The following CACNA1A variants were observed in gnomAD, a reference collection of about 807,000 sequenced individuals.
CACNA1A encodes the protein calcium voltage-gated channel subunit alpha1 A.
In CACNA1A, 57 loss-of-function variants were observed where a neutral mutation model predicts 262.4. The observed-to-expected ratio is 0.22, with a 90% CI of 0.18 to 0.27. The LOEUF (loss-of-function observed/expected upper bound fraction) is 0.27. Among genes scored for constraint, CACNA1A ranks in the 10% least tolerant of loss-of-function variants. The probability of loss-of-function intolerance (pLI) is 1.00; values close to 1 mark genes in which losing one functional copy is unlikely to be tolerated. For missense variants in CACNA1A, 2,526 were observed against 3,562.8 expected, an observed-to-expected ratio of 0.71 and a Z score of 7.41; for synonymous variants, 1,431 against 1,419.3, an observed-to-expected ratio of 1.01 and a Z score of -0.18.
chr19:13,278,157 G>T (rs2057195321), intron 22 of CACNA1A, among the ~76,000 whole-genome samples: 1 of 151,398 alleles, frequency 6.6e-6, no homozygotes. Flanking sequence ...GGCCACCAGA[G>T]GGCGCTGTGA....
At chr19:13,377,555 G>T (rs527318023) in intron 3 of CACNA1A, among the ~76,000 whole-genome samples, 1 of 150,594 alleles carries the variant, frequency 6.6e-6, no homozygotes, top group African/African-American at 2.4e-5. Flanking sequence ...TAGTGATGGG[G>T]TTTCACCATA....
At chr19:13,364,641 T>G (rs2059174822) in intron 5 of CACNA1A, 1 of 119,712 alleles carries the variant, frequency 8.4e-6, no homozygotes, top group Non-Finnish European at 1.6e-5. Context: ...ATTTATATTT[T>G]TATTTATTTA....
At chr19:13,298,221 CCT>C (rs3050874) in intron 19 of CACNA1A, among the ~76,000 whole-genome samples, 20,207 of 149,808 alleles carry the variant, frequency 0.13, 1,603 homozygotes, top group South Asian at 0.35. Flanking sequence ...ACCTCCGCCC[CCT>C]GTTTTCAGGC....
intron 25 of CACNA1A, 140 bp from the exon 26 acceptor site, chr19:13,261,750 G>T: frequency 1.3e-6 from 1 of 752,666 alleles, no homozygotes; most frequent in Admixed American, 2.5e-5. Flanking sequence ...ACTAGGGTAA[G>T]GTCCCCCCAG....
intron 2 of CACNA1A, among the ~76,000 whole-genome samples, chr19:13,453,943 T>C (rs372309958): frequency 3.9e-5 from 6 of 152,120 alleles, no homozygotes; most frequent in Non-Finnish European, 7.3e-5. Flanking sequence ...AGGCTAGTTA[T>C]AGTTTTTAGA....
intron 1 of CACNA1A, among the ~76,000 whole-genome samples, chr19:13,497,144 A>G (rs1981626322): frequency 6.6e-6 from 1 of 152,020 alleles, no homozygotes; most frequent in African/African-American, 2.4e-5. Context: ...TACAAGCAGG[A>G]CCAAGAGCTA....
At chr19:13,325,698 G>T (rs910246081) in intron 10 of CACNA1A, among the ~76,000 whole-genome samples, 1 of 152,074 alleles carries the variant, frequency 6.6e-6, no homozygotes, top group Non-Finnish European at 1.5e-5. Context: ...AAAGTGCTGG[G>T]ATTACAGGTG....
intron 19 of CACNA1A, among the ~76,000 whole-genome samples, chr19:13,290,816 T>C (rs2057519978): frequency 6.6e-6 from 1 of 152,102 alleles, no homozygotes; most frequent in Non-Finnish European, 1.5e-5. Flanking sequence ...AGTTAAGTTA[T>C]AATTTCAAAG....
At chr19:13,282,120 G>T (rs1054120204) in intron 22 of CACNA1A, among the ~76,000 whole-genome samples, 2 of 152,230 alleles carry the variant, frequency 1.3e-5, no homozygotes, top group Non-Finnish European at 2.9e-5. Context: ...CAGGAGCTGC[G>T]TTCTAATTAT....
At chr19:13,476,197 T>C (rs561317421) in intron 1 of CACNA1A, among the ~76,000 whole-genome samples, 10 of 152,052 alleles carry the variant, frequency 6.6e-5, no homozygotes, top group Middle Eastern at 3.2e-3. Context: ...TGGACAAGAG[T>C]TGGATGATGT....
chr19:13,360,712 A>G (rs2059095561), intron 5 of CACNA1A, among the ~76,000 whole-genome samples: 1 of 152,076 alleles, frequency 6.6e-6, no homozygotes, highest in Non-Finnish European at 1.5e-5. Flanking sequence ...TCCTGACCTC[A>G]AGTGATCCGC....
chr19:13,365,202 A>G, intron 5 of CACNA1A, 115 bp downstream of exon 5: 1 of 878,640 alleles, frequency 1.1e-6, no homozygotes, highest in Non-Finnish European at 1.8e-6. Flanking sequence ...GTGCTCTCTG[A>G]AGGAGACGGT....
intron 19 of CACNA1A, among the ~76,000 whole-genome samples, chr19:13,292,059 A>G (rs2057551706): frequency 6.6e-6 from 1 of 152,180 alleles, no homozygotes; most frequent in Non-Finnish European, 1.5e-5. Flanking sequence ...TAGGCCTGGG[A>G]GAAGGCACTG....
At chr19:13,386,650 G>A (rs999105282) in intron 3 of CACNA1A, among the ~76,000 whole-genome samples, 11 of 151,888 alleles carry the variant, frequency 7.2e-5, no homozygotes, top group African/African-American at 1.9e-4. Context: ...AAAATTAGCC[G>A]GATGCAGTGG....
intron 8 of CACNA1A, 122 bp downstream of exon 8, chr19:13,334,256 C>T: frequency 1.6e-6 from 1 of 628,536 alleles, no homozygotes. Flanking sequence ...ACTACCAATT[C>T]AGGTTCTCTT....
chr19:13,429,240 G>A (rs1398017316), intron 3 of CACNA1A, among the ~76,000 whole-genome samples: 1 of 149,764 alleles, frequency 6.7e-6, no homozygotes, highest in African/African-American at 2.5e-5. Flanking sequence ...AGCCTCTTCA[G>A]CCACTAAAAT....
chr19:13,363,846 A>ATTCAGTCTGTCACTG (rs2059156881), intron 5 of CACNA1A: 12 of 152,258 alleles, frequency 7.9e-5, no homozygotes, highest in Non-Finnish European at 1.5e-4. Flanking sequence ...GTCTGTCTGC[A>ATTCAGTCTGTCACTG]CCCAGATGGC....
chr19:13,286,707 G>T lies in CACNA1A; in HGVS notation c.3349C>A (p.Gln1117Lys). The T allele has an allele frequency of 1.3e-6, 2 of 1,590,116 alleles. No individual in the cohort carries two copies. The highest frequency in any genetic ancestry group is 8.6e-7 in the Non-Finnish European group (1 of 1,167,208). Residue 1117 changes from glutamine (Q) to lysine (K), a missense_variant, in exon 20 of 47, where the codon CAG becomes AAG. By Grantham distance (53) the Gln-to-Lys change is moderately conservative. Transcript: ENST00000360228. Reference sequence around the variant, plus strand: ...GGCGTCCGGCGGCTGGCGGCGTTCTGGGGGTTGGTGGCCATGGCAGGGATG... The same window carrying T: ...GGCGTCCGGCGGCTGGCGGCGTTCTTGGGGTTGGTGGCCATGGCAGGGATG... ...LAIPAMATNPQNAASRRTPNN... is the reference protein window; with the variant it reads ...LAIPAMATNPKNAASRRTPNN...
Position 13,231,854 on chromosome 19 carries a change from G to A in CACNA1A, c.5256C>T (p.Ala1752=), listed in dbSNP as rs753902560. 5 of 1,613,238 alleles carry A rather than the reference G, an allele frequency of 3.1e-6. No individual in the cohort carries two copies. Among genetic ancestry groups the A allele is most frequent in the South Asian group, 2.2e-5 (2 of 91,036 alleles). ...FQALMLLFRS[A]TGEAWHNIML... ...TGATGTTGTGCCAAGCTTCCCCGGT[G>A]GCACTCCTGAGGACAGGGAGAAATC... Residue 1752 remains alanine (A), a synonymous_variant, in exon 35 of 47, where the codon GCC becomes GCT. Transcript: ENST00000360228.
Sources: gnomAD v4.1 joint callset for allele counts (sites outside exome capture counted in the v4.1 genomes callset) on GRCh38, gnomAD v4.1.1 for gene constraint, MANE v1.5 for transcripts, NCBI Gene and HGNC (gene_info 2026-07-23, HGNC 2026-07-21) for gene names.